Variants in CFAP61 observed in about 807,000 individuals in gnomAD.
CFAP61 encodes cilia- and flagella-associated protein 61.
A neutral mutation model predicts 135.6 loss-of-function variants in CFAP61; 107 were observed. That is an observed-to-expected ratio of 0.79 (90% CI 0.67 to 0.93). The LOEUF (loss-of-function observed/expected upper bound fraction) is 0.93, where lower values mean the gene tolerates loss of function less well. CFAP61 is among the 40% of genes least tolerant of loss of function. CFAP61 has a pLI of 0.00. For missense variants in CFAP61, 1,507 were observed against 1,556.2 expected, an observed-to-expected ratio of 0.97 and a Z score of 0.53; for synonymous variants, 575 against 578.5, an observed-to-expected ratio of 0.99 and a Z score of 0.09.
At chr20:20,054,564 A>G (rs545812762) in intron 1 of CFAP61, among the ~76,000 whole-genome samples, 4 of 152,326 alleles carry the variant, frequency 2.6e-5, no homozygotes, top group Non-Finnish European at 5.9e-5. Context: ...ATTTTGTGGG[A>G]ATACATTCAT....
chr20:20,312,595 C>T (rs2056894204), intron 25 of CFAP61, among the ~76,000 whole-genome samples: 1 of 152,036 alleles, frequency 6.6e-6, no homozygotes. Flanking sequence ...ATCTGAGAAG[C>T]TCAGTGAATC....
chr20:20,121,045 G>A lies in CFAP61; in HGVS notation c.860-21812G>A, dbSNP rs73275175. ...AGGTGAAATAGGTTTCTTGTAGGCA[G>A]CATATAGTTGGGTCTTGCTTCTTTA... On this transcript the variant is annotated intron_variant, in intron 8 of 26. Coordinates refer to ENST00000245957, the MANE Select transcript of CFAP61 (RefSeq NM_015585.4). Among the ~76,000 whole-genome samples the A allele has an allele frequency of 8.1e-3, 1,227 of 151,344 alleles. 16 individuals are homozygous for A. Among genetic ancestry groups the A allele is most frequent in the African/African-American group, 0.028 (1,171 of 41,278 alleles).
chr20:20,064,498 G>A (rs1381491994), intron 2 of CFAP61, among the ~76,000 whole-genome samples: 1 of 152,146 alleles, frequency 6.6e-6, no homozygotes, highest in Non-Finnish European at 1.5e-5. Flanking sequence ...GCAGTTACCA[G>A]ATCTAATACT....
intron 24 of CFAP61, among the ~76,000 whole-genome samples, chr20:20,297,189 T>C (rs934889532): frequency 6.6e-6 from 1 of 152,194 alleles, no homozygotes; most frequent in Non-Finnish European, 1.5e-5. Flanking sequence ...CCTGTATTGA[T>C]GTAAAAGTTA....
intron 22 of CFAP61, 109 bp downstream of exon 22, chr20:20,277,567 G>A (rs1020086899): frequency 4.0e-6 from 5 of 1,239,094 alleles, no homozygotes; most frequent in Non-Finnish European, 5.6e-6. Flanking sequence ...ACCAGATGTT[G>A]GATTTTGTTT....
At chr20:20,305,106 G>C (rs560605778) in intron 25 of CFAP61, among the ~76,000 whole-genome samples, 10 of 150,040 alleles carry the variant, frequency 6.7e-5, no homozygotes, top group Admixed American at 1.3e-4. Context: ...CCCGGCCCTC[G>C]CGCCCGCGCC....
At chr20:20,073,891 T>C (rs1018710204) in intron 3 of CFAP61, 1 of 165,972 alleles carries the variant, frequency 6.0e-6, no homozygotes, top group African/African-American at 2.4e-5. Context: ...TCCTGTCACA[T>C]GAATAGAGCA....
intron 25 of CFAP61, among the ~76,000 whole-genome samples, chr20:20,341,125 C>T (rs912207955): frequency 6.6e-6 from 1 of 152,140 alleles, no homozygotes; most frequent in African/African-American, 2.4e-5. Flanking sequence ...CCCACCCGAG[C>T]GACGTGGCTT....
intron 13 of CFAP61, among the ~76,000 whole-genome samples, chr20:20,187,485 G>T (rs936289727): frequency 6.6e-6 from 1 of 152,112 alleles, no homozygotes; most frequent in Non-Finnish European, 1.5e-5. Flanking sequence ...ATTTTTGAAC[G>T]GTGGCCTCAG....
At chr20:20,110,413 AG>A (rs2048719723) in intron 8 of CFAP61, among the ~76,000 whole-genome samples, 1 of 152,202 alleles carries the variant, frequency 6.6e-6, no homozygotes, top group African/African-American at 2.4e-5. Flanking sequence ...AGAGAAGACT[AG>A]GGCTACAAGT....
At chr20:20,181,154 A>C (rs1293805667) in intron 13 of CFAP61, among the ~76,000 whole-genome samples, 1 of 143,542 alleles carries the variant, frequency 7.0e-6, no homozygotes, top group East Asian at 2.0e-4. Context: ...CCTGAATTTA[A>C]AGTAAAAGTT....
At chr20:20,126,448 A>AG (rs2050071245) in intron 8 of CFAP61, among the ~76,000 whole-genome samples, 1 of 151,834 alleles carries the variant, frequency 6.6e-6, no homozygotes, top group African/African-American at 2.4e-5. Flanking sequence ...TGTCTGAAAA[A>AG]GACTGTATCT....
rs760349608 is a variant in CFAP61, at chr20:20,246,137, A to G, written c.2081A>G (p.Asn694Ser). 5.6e-6 allele frequency: 9 copies of G among 1,612,018 alleles called. No homozygotes were observed. The Admixed American group carries it at 1.3e-4, about 24-fold the overall frequency. The change falls in exon 19 of 27, where the codon AAT becomes AGT. Residue 694 changes from asparagine to serine, a missense_variant. Transcript: ENST00000245957. Reference sequence around the variant, plus strand: ...TTTAGCTCTCACATGAAGTTTAATAATCTTACCCTGATTTCAACTCATGGA... The same window carrying G: ...TTTAGCTCTCACATGAAGTTTAATAGTCTTACCCTGATTTCAACTCATGGA... The part of the protein sequence containing the change: ...LVFCSHMKFN[N>S]LTLISTHGLP...
chr20:20,150,770 T>A (rs1270979220), intron 9 of CFAP61, among the ~76,000 whole-genome samples: 1 of 152,168 alleles, frequency 6.6e-6, no homozygotes, highest in Non-Finnish European at 1.5e-5. Context: ...CAGAGCCTGG[T>A]AGCCCCACTG....
intron 13 of CFAP61, chr20:20,172,072 T>A: frequency 2.2e-6 from 1 of 456,224 alleles, no homozygotes; most frequent in East Asian, 4.6e-5. Flanking sequence ...ATGTTGCTGG[T>A]AGGTTGGGCA....
At chr20:20,160,306 A>G (rs549599715) in intron 10 of CFAP61, among the ~76,000 whole-genome samples, 2 of 152,144 alleles carry the variant, frequency 1.3e-5, no homozygotes, top group East Asian at 1.9e-4. Flanking sequence ...GGGCTTGGTC[A>G]TATCCATAGA....
intron 22 of CFAP61, among the ~76,000 whole-genome samples, chr20:20,277,873 G>A (rs1437553911): frequency 6.6e-6 from 1 of 152,168 alleles, no homozygotes; most frequent in Non-Finnish European, 1.5e-5. Context: ...ACTTAGAAGT[G>A]GCCCCTTCAT....
At chr20:20,149,663 A>G (rs1374504766) in intron 9 of CFAP61, among the ~76,000 whole-genome samples, 2 of 152,182 alleles carry the variant, frequency 1.3e-5, no homozygotes, top group East Asian at 3.9e-4. Context: ...ATAAAAGTAG[A>G]AGCAGCAGTA....
At chr20:20,222,759 CT>C (rs921783586) in intron 17 of CFAP61, among the ~76,000 whole-genome samples, 3 of 152,152 alleles carry the variant, frequency 2.0e-5, no homozygotes, top group Non-Finnish European at 2.9e-5. Flanking sequence ...CTATACCCCC[CT>C]ACCCTTTATT....
Sources: gnomAD v4.1 joint callset for allele counts (sites outside exome capture counted in the v4.1 genomes callset) on GRCh38, gnomAD v4.1.1 for gene constraint, MANE v1.5 for transcripts, NCBI Gene and HGNC (gene_info 2026-07-23, HGNC 2026-07-21) for gene names.